The following MTA3 variants were observed in gnomAD, a reference collection of about 807,000 sequenced individuals.
MTA3 encodes the protein metastasis-associated protein MTA3.
In MTA3, 34 loss-of-function variants were observed where a neutral mutation model predicts 83.5. The observed-to-expected ratio is 0.41, with a 90% CI of 0.31 to 0.54. The LOEUF (loss-of-function observed/expected upper bound fraction) is 0.54, where lower values mean the gene tolerates loss of function less well. Among genes scored for constraint, MTA3 ranks in the 20% least tolerant of loss-of-function variants. The probability of loss-of-function intolerance (pLI) is 0.33; values close to 1 mark genes in which losing one functional copy is unlikely to be tolerated. For synonymous variants in MTA3, 303 were observed against 252.7 expected (o/e 1.20, Z -1.89); for missense variants, 761 against 726.4 (o/e 1.05, Z -0.55).
chr2:42,613,059 A>G (rs1684419472), intron 4 of MTA3, among the ~76,000 whole-genome samples: 1 of 152,186 alleles, frequency 6.6e-6, no homozygotes. Context: ...TGGAATGGAA[A>G]AACTAGTGAT....
chr2:42,494,359 G>A (rs961586596), upstream of MTA3, among the ~76,000 whole-genome samples: 2 of 152,222 alleles, frequency 1.3e-5, no homozygotes, highest in Non-Finnish European at 2.9e-5. Context: ...TCAAAGCCCA[G>A]TGTGGACTCG....
chr2:42,636,876 C>T (rs759738891), intron 4 of MTA3, among the ~76,000 whole-genome samples: 8 of 152,242 alleles, frequency 5.3e-5, no homozygotes, highest in Non-Finnish European at 1.0e-4. Flanking sequence ...CCGCCCGCAT[C>T]GGCCTCCCAA....
intron 3 of MTA3, among the ~76,000 whole-genome samples, chr2:42,586,403 A>G (rs1680284563): frequency 6.6e-6 from 1 of 150,572 alleles, no homozygotes; most frequent in South Asian, 2.1e-4. Context: ...TGGGCAACAC[A>G]GCGAGACCTC....
At chr2:42,529,686 T>G (rs1675869201) in intron 2 of MTA3, among the ~76,000 whole-genome samples, 1 of 152,154 alleles carries the variant, frequency 6.6e-6, no homozygotes, top group Non-Finnish European at 1.5e-5. Context: ...TGACCAGCAG[T>G]GAGGTATTTG....
intron 16 of MTA3, among the ~76,000 whole-genome samples, chr2:42,737,109 A>T (rs1199871541): frequency 6.6e-6 from 1 of 152,162 alleles, no homozygotes; most frequent in Non-Finnish European, 1.5e-5. Context: ...GTGTGGTGTA[A>T]GCATTCCCTT....
At chr2:42,515,091 CTG>C (rs1675079292) in intron 2 of MTA3, among the ~76,000 whole-genome samples, 1 of 152,038 alleles carries the variant, frequency 6.6e-6, no homozygotes, top group Non-Finnish European at 1.5e-5. Flanking sequence ...GAGTCTCGCT[CTG>C]TTGTGCCCAG....
chr2:42,547,342 TTC>T (rs2103761627), intron 2 of MTA3, among the ~76,000 whole-genome samples: 1 of 152,344 alleles, frequency 6.6e-6, no homozygotes, highest in South Asian at 2.1e-4. Flanking sequence ...TTATTATTAT[TTC>T]TGAGACTGAA....
intron 2 of MTA3, among the ~76,000 whole-genome samples, chr2:42,559,499 C>G (rs541970845): frequency 2.8e-5 from 4 of 144,094 alleles, no homozygotes; most frequent in African/African-American, 1.0e-4. Flanking sequence ...GAGACCTTGT[C>G]TCAAAAAAAA....
At position 42,695,769 on chromosome 2, in the gene MTA3, C is replaced by G. The variant is rs1246568142; in HGVS notation, c.896C>G (p.Pro299Arg). The G allele has an allele frequency of 6.6e-7, 1 of 1,520,008 alleles. No homozygotes were observed. Among genetic ancestry groups the G allele is most frequent in the Non-Finnish European group, 8.8e-7 (1 of 1,134,006 alleles). 94.2% of individuals were successfully genotyped at this position (1,520,008 alleles called of 1,614,324 possible). Residue 299 changes from proline (P) to arginine (R), a missense_variant, in exon 10 of 17, where the codon CCT becomes CGT. Transcript: ENST00000405094. Reference protein sequence around the residue: ...DFNDIRQDFLPWKSLTSIIEY... With the variant: ...DFNDIRQDFLRWKSLTSIIEY... ...GTTGATTTTTTTTTTTTTCAGCTTC[C>G]TTGGAAATCATTGACTAGCATCATT...
intron 4 of MTA3, among the ~76,000 whole-genome samples, chr2:42,621,253 G>C (rs1288172665): frequency 2.0e-5 from 3 of 151,942 alleles, no homozygotes; most frequent in Non-Finnish European, 2.9e-5. Flanking sequence ...AAGGTCTCTG[G>C]TTTTCCTAGG....
intron 6 of MTA3, among the ~76,000 whole-genome samples, chr2:42,649,800 A>G (rs11900994): frequency 0.19 from 29,258 of 152,142 alleles, 2,886 homozygotes; most frequent in South Asian, 0.28. Flanking sequence ...GTTTGGGGGA[A>G]AAATTACATT....
At chr2:42,673,081 A>C (rs969421717) in intron 8 of MTA3, among the ~76,000 whole-genome samples, 2 of 151,770 alleles carry the variant, frequency 1.3e-5, no homozygotes, top group Non-Finnish European at 2.9e-5. Flanking sequence ...TCCTGACCTC[A>C]AGTGATCCAC....
At chr2:42,572,016 G>A (rs936342666) in intron 2 of MTA3, among the ~76,000 whole-genome samples, 15 of 151,784 alleles carry the variant, frequency 9.9e-5, no homozygotes, top group African/African-American at 1.5e-4. Flanking sequence ...GGTGGCTCAC[G>A]CCTGTAATCC....
intron 2 of MTA3, among the ~76,000 whole-genome samples, chr2:42,552,692 C>T (rs1677172847): frequency 6.6e-6 from 1 of 151,878 alleles, no homozygotes. Flanking sequence ...TGGCTCATGC[C>T]TGTAATTCCA....
chr2:42,748,201 T>TTGTG (rs61339061), intron 16 of MTA3, among the ~76,000 whole-genome samples: 15,951 of 137,258 alleles, frequency 0.12, 1,404 homozygotes, highest in African/African-American at 0.22. Flanking sequence ...GCTAATGTGT[T>TTGTG]TGTGTGTGTG....
intron 1 of MTA3, 101 bp downstream of exon 1, chr2:42,568,874 G>A (rs1272552322): frequency 3.4e-5 from 39 of 1,140,872 alleles, no homozygotes; most frequent in African/African-American, 6.5e-5. Context: ...GGGCGCCGGG[G>A]CTGAGGTCGC....
chr2:42,719,834 T>C (rs1045649290), intron 15 of MTA3, among the ~76,000 whole-genome samples: 2 of 152,244 alleles, frequency 1.3e-5, no homozygotes, highest in African/African-American at 4.8e-5. Flanking sequence ...ACAAAATTAC[T>C]ATGCAATAAT....
chr2:42,498,558 A>G (rs115386323), intron 2 of MTA3, among the ~76,000 whole-genome samples: 1 of 152,178 alleles, frequency 6.6e-6, no homozygotes, highest in African/African-American at 2.4e-5. Context: ...AGGCGCACAC[A>G]TGCATAATTG....
chr2:42,676,386 A>C (rs1031142483), intron 8 of MTA3, among the ~76,000 whole-genome samples: 3 of 152,230 alleles, frequency 2.0e-5, no homozygotes, highest in Non-Finnish European at 4.4e-5. Flanking sequence ...CTGAAAATCC[A>C]TTCATGATTT....
Sources: gnomAD v4.1 joint callset for allele counts (sites outside exome capture counted in the v4.1 genomes callset) on GRCh38, gnomAD v4.1.1 for gene constraint, MANE v1.5 for transcripts, NCBI Gene and HGNC (gene_info 2026-07-23, HGNC 2026-07-21) for gene names.